The following CACFD1 variants were observed in gnomAD, a reference collection of about 807,000 sequenced individuals.
CACFD1 encodes the protein calcium channel flower domain containing 1.
CACFD1 carries 26 observed loss-of-function variants against 21.3 expected under a neutral mutation model. The observed-to-expected ratio is 1.22, with a 90% confidence interval of 0.89 to 1.69. CACFD1 has a LOEUF of 1.69. Ranked by LOEUF, CACFD1 falls within the 40% of genes most tolerant of loss-of-function variation. CACFD1 has a pLI of 0.00. For missense variants in CACFD1, 265 were observed against 236.2 expected (o/e 1.12, Z -0.80); for synonymous variants, 121 against 106.6 (o/e 1.13, Z -0.83).
At chr9:133,466,535 C>T (rs1843442518) in intron 3 of CACFD1, among the ~76,000 whole-genome samples, 1 of 152,108 alleles carries the variant, frequency 6.6e-6, no homozygotes, top group Non-Finnish European at 1.5e-5. Flanking sequence ...ATGTATCATG[C>T]TGTTCTTAAT....
At chr9:133,460,333 G>A in intron 1 of CACFD1, 146 bp downstream of exon 1, 1 of 733,548 alleles carries the variant, frequency 1.4e-6, no homozygotes, top group East Asian at 3.5e-5. Context: ...CGGAGGAATG[G>A]CGGGGCCGCC....
chr9:133,466,396 A>G (rs1227382416), intron 3 of CACFD1, among the ~76,000 whole-genome samples: 1 of 152,212 alleles, frequency 6.6e-6, no homozygotes, highest in Admixed American at 6.5e-5. Flanking sequence ...GCCTGCTTTT[A>G]ACACAGTTAT....
At chr9:133,462,910 C>T (rs1554798826) in intron 1 of CACFD1, among the ~76,000 whole-genome samples, 1 of 152,238 alleles carries the variant, frequency 6.6e-6, no homozygotes, top group Non-Finnish European at 1.5e-5. Flanking sequence ...GATAGCGTGC[C>T]AGTGGCACAG....
At position 133,468,826 on chromosome 9, in the gene CACFD1, G is replaced by A; in HGVS notation, c.*173G>A. ...TGGCTTAAGCCAGGAGCCACTGGCTGCTGGTGTGAGGGTCTGGGCTGCTGG... is the reference window on the plus strand; with the variant it reads ...TGGCTTAAGCCAGGAGCCACTGGCTACTGGTGTGAGGGTCTGGGCTGCTGG... On this transcript the variant is annotated 3_prime_UTR_variant, in exon 5 of 5. Coordinates refer to ENST00000316948, the MANE Select transcript of CACFD1 (RefSeq NM_017586.5). 1 of 1,148,986 alleles carries A rather than the reference G, an allele frequency of 8.7e-7. No homozygotes were observed. The highest frequency in any genetic ancestry group is 3.0e-4 in the Middle Eastern group (1 of 3,322). The allele number at this position is 1,148,986 out of a possible 1,614,324, so 71.2% of individuals were successfully genotyped here. A position where few individuals can be genotyped will look rare whatever the true frequency, so the allele number is the denominator to read the frequency against.
At chr9:133,463,698 T>G in intron 2 of CACFD1, 143 bp downstream of exon 2, 1 of 790,908 alleles carries the variant, frequency 1.3e-6, no homozygotes, top group Non-Finnish European at 2.1e-6. Context: ...CCTGGGTGCC[T>G]CGGGCATGTG....
At chr9:133,461,338 C>T (rs1480297240) in intron 1 of CACFD1, among the ~76,000 whole-genome samples, 1 of 152,188 alleles carries the variant, frequency 6.6e-6, no homozygotes, top group Non-Finnish European at 1.5e-5. Context: ...CCAGAGGCAA[C>T]GGATACGGTA....
chr9:133,465,134 G>A lies in CACFD1; in HGVS notation c.195-188G>A, dbSNP rs1033379058. On this transcript the variant is annotated intron_variant, in intron 2 of 4. Transcript: ENST00000316948. The surrounding 1 kb of genome is among the most constrained non-coding windows in gnomAD (Gnocchi z 5.0). ...GCAGGAGCAGCTGGGGAGTGCTGGA[G>A]TCTTCAGCAGAGGCTCTCCGAGGGG... The A allele has an allele frequency of 1.6e-6, 1 of 628,212 alleles. No individual in the cohort carries two copies. The highest frequency in any genetic ancestry group is 2.8e-6 in the Non-Finnish European group (1 of 353,656). The allele number at this position is 628,212 out of a possible 1,614,324, so 38.9% of individuals were successfully genotyped here.
In CACFD1 at chr9:133,466,479, C is replaced by G. The variant is rs28605354; in HGVS notation, c.320+1032C>G. 4.2e-3 allele frequency among the ~76,000 whole-genome samples: 634 copies of G among 152,318 alleles called. 5 individuals are homozygous for G. Among genetic ancestry groups the G allele is most frequent in the African/African-American group, 0.014 (587 of 41,558 alleles). ...TGATATAAGCATTTGAACATCACCA[C>G]AGACTTTATAACATTCTTTCAATAC... On this transcript the variant is annotated intron_variant, in intron 3 of 4. Transcript: ENST00000316948.
rs1843596760 is a variant in CACFD1, at chr9:133,469,636, A to C, written c.*983A>C. ...TGCCAGGCTGTCCGGAGCCAGGCCT[A>C]CCCAGGGAGGATGCAGAGAGCTGGT... On this transcript the variant is annotated 3_prime_UTR_variant, in exon 5 of 5. Coordinates refer to ENST00000316948, the MANE Select transcript of CACFD1 (RefSeq NM_017586.5). 6.6e-6 allele frequency: 1 copy of C among 152,284 alleles called. No homozygotes were observed. The highest frequency in any genetic ancestry group is 1.5e-5 in the Non-Finnish European group (1 of 68,124). The allele number at this position is 152,284 out of a possible 1,614,324, so 9.4% of individuals were successfully genotyped here. A position where few individuals can be genotyped will look rare whatever the true frequency, so the allele number is the denominator to read the frequency against.
chr9:133,465,712 G>A lies in CACFD1; in HGVS notation c.320+265G>A. 1 of 421,308 alleles carries A rather than the reference G, an allele frequency of 2.4e-6. No homozygotes were observed. Among genetic ancestry groups the A allele is most frequent in the Non-Finnish European group, 4.2e-6 (1 of 235,350 alleles). The allele number at this position is 421,308 out of a possible 1,614,324, so 26.1% of individuals were successfully genotyped here. A position where few individuals can be genotyped will look rare whatever the true frequency, so the allele number is the denominator to read the frequency against. ...GAGCATGTGTGGCAGCATCCGTGCA[G>A]TGGAGAGAAAGTGGGAAGCGTCTGG... On this transcript the variant is annotated intron_variant, in intron 3 of 4. Coordinates refer to ENST00000316948, the MANE Select transcript of CACFD1 (RefSeq NM_017586.5). This position sits in a 1 kb window ranked among gnomAD's most constrained non-coding sequence, Gnocchi z 5.0.
At chr9:133,460,221 G>T in intron 1 of CACFD1, 34 bp downstream of exon 1, 1 of 1,496,928 alleles carries the variant, frequency 6.7e-7, no homozygotes, top group Non-Finnish European at 8.9e-7. Flanking sequence ...GGCCGGCCCC[G>T]CCGCGCATGC....
rs1461356126 is a variant in CACFD1 at position 133,460,151 on chromosome 9, T to A, written c.85T>A (p.Trp29Arg). The change falls in exon 1 of 5, where the codon TGG becomes AGG. Residue 29 changes from tryptophan (W) to arginine (R), a missense_variant. Transcript: ENST00000316948. ...AGAGGGCATGACGTGGTGGTACCGC[T>A]GGCTGTGTCGCCTGTCTGGGGTGCT... is the stretch of plus-strand genomic sequence containing the variant. Reference protein sequence around the residue: ...QEEGMTWWYRWLCRLSGVLGA... With the variant: ...QEEGMTWWYRRLCRLSGVLGA... 3.2e-6 allele frequency: 5 copies of A among 1,559,272 alleles called. No homozygotes were observed. The highest frequency in any genetic ancestry group is 2.4e-5 in the East Asian group (1 of 41,578).
chr9:133,461,969 T>A, intron 1 of CACFD1: 1 of 985,332 alleles, frequency 1.0e-6, no homozygotes, highest in Non-Finnish European at 1.2e-6. Context: ...CCTAAGAGCA[T>A]CTGGAGGTGA....
rs587691943 is a variant in CACFD1, at chr9:133,467,931, G to A, written c.331G>A (p.Val111Ile). ...KAVFYCGMAV[V>I]PIVISLTLTT... ...CTGCTTTCCCCCCAGGATGGCGGTC[G>A]TTCCCATCGTCATCAGCCTGACCCT... The change falls in exon 4 of 5, where the codon GTT (valine) becomes ATT (isoleucine). Residue 111 changes from valine (V) to isoleucine (I), a missense_variant. Physicochemically the swap from Val to Ile is conservative, Grantham distance 29. Coordinates refer to ENST00000316948, the MANE Select transcript of CACFD1 (RefSeq NM_017586.5). 16 of 1,612,634 alleles carry A rather than the reference G, an allele frequency of 9.9e-6. No individual in the cohort carries two copies. Among genetic ancestry groups the A allele is most frequent in the South Asian group, 6.6e-5 (6 of 91,030 alleles).
rs145275777 is a variant in CACFD1 at position 133,465,184 on chromosome 9, C to T, written c.195-138C>T. 1.4e-4 allele frequency: 138 copies of T among 959,434 alleles called. No homozygotes were observed. Among genetic ancestry groups the T allele is most frequent in the African/African-American group, 1.2e-3 (75 of 62,686 alleles). 59.4% of individuals were successfully genotyped at this position (959,434 alleles called of 1,614,324 possible). On this transcript the variant is annotated intron_variant, in intron 2 of 4. Transcript: ENST00000316948. This position sits in a 1 kb window ranked among gnomAD's most constrained non-coding sequence, Gnocchi z 5.0. ...GTACGAGCAGGTGCCCTGGAGCAGC[C>T]GGGCGGCTTCCCAGAGGAGGAGGGA...
At chr9:133,463,657 T>G in intron 2 of CACFD1, 102 bp downstream of exon 2, 1 of 1,221,008 alleles carries the variant, frequency 8.2e-7, no homozygotes, top group Non-Finnish European at 1.2e-6. Context: ...GGAGTGGGCA[T>G]CCTTGTGGTT....
Position 133,460,060 on chromosome 9 carries a change from T to C in CACFD1, c.-7T>C, listed in dbSNP as rs1486569014. On this transcript the variant is annotated 5_prime_UTR_variant, in exon 1 of 5. Coordinates refer to ENST00000316948, the MANE Select transcript of CACFD1 (RefSeq NM_017586.5). The stretch of plus-strand genomic sequence containing the variant: ...GAGGGCTGTGAGCTGCGCCTGACGG[T>C]GGCACCATGAGCAGCTCAGGTGGGG... 5.8e-6 allele frequency: 9 copies of C among 1,556,406 alleles called. No homozygotes were observed. Among genetic ancestry groups the C allele is most frequent in the East Asian group, 2.4e-5 (1 of 40,898 alleles).
chr9:133,463,358 C>T, intron 1 of CACFD1, 125 bp from the exon 2 acceptor site: 2 of 1,550,294 alleles, frequency 1.3e-6, no homozygotes, highest in South Asian at 1.2e-5. Context: ...CTTCTGGGTG[C>T]TGTGAGAACT....
At position 133,469,754 on chromosome 9, in the gene CACFD1, G is replaced by A. The variant is rs1353679595; in HGVS notation, c.*1101G>A. 3.9e-5 allele frequency: 6 copies of A among 152,326 alleles called. No individual in the cohort carries two copies. Among genetic ancestry groups the A allele is most frequent in the African/African-American group, 1.2e-4 (5 of 41,472 alleles). 9.4% of individuals were successfully genotyped at this position (152,326 alleles called of 1,614,324 possible). ...AGGCTGGCTCTCAGCCATCGGGCAG[G>A]TGCCTGGTCGGGCCTGGCTTAGCCC... On this transcript the variant is annotated 3_prime_UTR_variant, in exon 5 of 5. Transcript: ENST00000316948.
Sources: gnomAD v4.1 joint callset for allele counts (sites outside exome capture counted in the v4.1 genomes callset) on GRCh38, gnomAD v4.1.1 for gene constraint, Gnocchi (gnomAD v3.1) non-coding constraint, MANE v1.5 for transcripts, NCBI Gene and HGNC (gene_info 2026-07-23, HGNC 2026-07-21) for gene names.